Variants in KCNMB3 observed in about 807,000 individuals in gnomAD.
KCNMB3 encodes the protein potassium calcium-activated channel subfamily M regulatory beta subunit 3.
Under a neutral mutation model 11.9 loss-of-function variants are expected in KCNMB3, and 18 were observed. The ratio of observed to expected loss-of-function variants is 1.51; its 90% CI spans 1.04 to 2.23. KCNMB3 has a LOEUF of 2.23. KCNMB3 is among the 30% of genes most tolerant of loss of function. The probability of loss-of-function intolerance (pLI) is 0.00; values close to 1 mark genes in which losing one functional copy is unlikely to be tolerated. For missense variants in KCNMB3, 247 were observed against 329.4 expected, an observed-to-expected ratio of 0.75 and a Z score of 1.94; for synonymous variants, 78 against 119.2, an observed-to-expected ratio of 0.65 and a Z score of 2.25.
In KCNMB3 at chr3:179,258,826, T is replaced by TC; in HGVS notation, c.62+7822dup. On this transcript the variant is annotated intron_variant, in intron 1 of 3. Coordinates refer to the KCNMB3 transcript ENST00000349697. The stretch of plus-strand genomic sequence containing the variant: ...ACTGATAACAAATATGTCTTTCTAA[T>TC]CTGGGTGATAACCTCAATGATTACA... 2.8e-6 allele frequency: 4 copies of TC among 1,432,960 alleles called. No individual in the cohort carries two copies. The East Asian group carries it at 9.2e-5, about 33-fold the overall frequency. The allele number at this position is 1,432,960 out of a possible 1,614,324, so 88.8% of individuals were successfully genotyped here.
chr3:179,267,018 A>C, upstream of KCNMB3: 1 of 870,862 alleles, frequency 1.1e-6, no homozygotes, highest in Non-Finnish European at 1.5e-6. Flanking sequence ...CCGCCACCTC[A>C]TCACCTGTGT....
chr3:179,250,495 G>A (rs1725797983), intron 1 of KCNMB3, among the ~76,000 whole-genome samples: 1 of 152,170 alleles, frequency 6.6e-6, no homozygotes, highest in South Asian at 2.1e-4. Flanking sequence ...TTACGTGTTT[G>A]GAGGTATATA....
In KCNMB3 at chr3:179,250,960, C is replaced by A; in HGVS notation, c.31G>T (p.Val11Leu). 1 of 1,614,152 alleles carries A rather than the reference C, an allele frequency of 6.2e-7. No homozygotes were observed. The highest frequency in any genetic ancestry group is 1.1e-5 in the South Asian group (1 of 91,076). Residue 11 changes from valine to leucine, a missense_variant, in exon 1 of 3, where the codon GTA becomes TTA. Val to Leu is a conservative substitution (Grantham distance 32, BLOSUM62 1). This residue lies in a region of KCNMB3 where 160 missense variants were observed against 157.5 expected (regional missense o/e 1.02). Transcript: ENST00000392685. ...CTTTGGGGAAAGGGAGAAGGAGATA[C>A]TGCAGTGAGCTCATAAAGAAGGGGG... MFPLLYELTA[V>L]SPSPFPQRTA...
intron 1 of KCNMB3, among the ~76,000 whole-genome samples, chr3:179,247,709 A>T (rs1417555871): frequency 1.3e-5 from 2 of 152,186 alleles, no homozygotes; most frequent in African/African-American, 4.8e-5. Context: ...CCTGGTGCTA[A>T]TACCAGAGAG....
At chr3:179,247,488 C>T (rs1375211194) in intron 1 of KCNMB3, among the ~76,000 whole-genome samples, 1 of 151,720 alleles carries the variant, frequency 6.6e-6, no homozygotes, top group African/African-American at 2.4e-5. Flanking sequence ...TAGTGAGATC[C>T]CACTTCTTAA....
upstream of KCNMB3, among the ~76,000 whole-genome samples, chr3:179,255,807 C>A (rs772843359): frequency 6.6e-6 from 1 of 152,112 alleles, no homozygotes; most frequent in African/African-American, 2.4e-5. Context: ...TCTTAACAGT[C>A]GCCAAAGAAA....
chr3:179,251,737 G>T (rs1421614788), upstream of KCNMB3: 10 of 964,694 alleles, frequency 1.0e-5, no homozygotes, highest in Non-Finnish European at 1.2e-5. Context: ...GTGTTTTTTG[G>T]TTTTTTTTGA....
At chr3:179,260,955 A>T in intron 1 of KCNMB3, 2 of 1,079,012 alleles carry the variant, frequency 1.9e-6, no homozygotes, top group Non-Finnish European at 2.8e-6. Context: ...TCTGCTAGAG[A>T]GTCCTTGATT....
intron 1 of KCNMB3, among the ~76,000 whole-genome samples, chr3:179,263,470 G>C (rs1047937905): frequency 6.6e-6 from 1 of 152,274 alleles, no homozygotes; most frequent in African/African-American, 2.4e-5. Context: ...CGCGGCCAGA[G>C]TGGGCGCCAA....
At chr3:179,248,351 G>T (rs1259124167) in intron 1 of KCNMB3, among the ~76,000 whole-genome samples, 1 of 152,162 alleles carries the variant, frequency 6.6e-6, no homozygotes, top group Non-Finnish European at 1.5e-5. Context: ...GTTGACCCTT[G>T]AACAATTCAG....
At chr3:179,248,727 CAAA>C (rs543706677) in intron 1 of KCNMB3, among the ~76,000 whole-genome samples, 4 of 80,268 alleles carry the variant, frequency 5.0e-5, no homozygotes, top group Admixed American at 1.4e-4. Context: ...CACCCTGCTT[CAAA>C]AAAAAAAAAA....
At chr3:179,261,512 C>A (rs764877161) in intron 1 of KCNMB3, among the ~76,000 whole-genome samples, 1 of 151,952 alleles carries the variant, frequency 6.6e-6, no homozygotes, top group Non-Finnish European at 1.5e-5. Context: ...TGAGCCTGGC[C>A]GGGGGTGGAA....
upstream of KCNMB3, among the ~76,000 whole-genome samples, chr3:179,252,731 CTTT>C (rs386398672): frequency 1.0e-4 from 13 of 128,536 alleles, 1 homozygote; most frequent in South Asian, 1.3e-3. Flanking sequence ...TGAACCTGTA[CTTT>C]TTTTTTTTTT....
chr3:179,244,189 A>G (rs1725556603), intron 2 of KCNMB3, among the ~76,000 whole-genome samples: 1 of 152,214 alleles, frequency 6.6e-6, no homozygotes, highest in African/African-American at 2.4e-5. Context: ...ACACTGTAGC[A>G]TATGTCATAT....
Position 179,243,013 on chromosome 3 carries a change from T to C in KCNMB3, c.719A>G (p.Tyr240Cys), listed in dbSNP as rs1725507852. 4 of 1,598,614 alleles carry C rather than the reference T, an allele frequency of 2.5e-6. No individual in the cohort carries two copies. The highest frequency in any genetic ancestry group is 3.4e-6 in the Non-Finnish European group (4 of 1,173,758). Residue 240 changes from tyrosine (Y) to cysteine (C), a missense_variant, in exon 3 of 3, where the codon TAT (tyrosine) becomes TGT (cysteine). By Grantham distance (194) the Tyr-to-Cys change is radical. Transcript: ENST00000392685. ...TQHLSLLCEK[Y>C]STVVRDEVGG... ...TACCTCATCTCTGACTACAGTGCTA[T>C]ATTTTTCACACAGTAAGGACAGGTG...
At chr3:179,245,278 T>C (rs1030556416) in intron 1 of KCNMB3, among the ~76,000 whole-genome samples, 5 of 152,122 alleles carry the variant, frequency 3.3e-5, no homozygotes, top group Non-Finnish European at 7.3e-5. Flanking sequence ...TTGGTCAACA[T>C]AGCCTACACA....
chr3:179,259,523 A>G, intron 1 of KCNMB3: 3 of 1,611,182 alleles, frequency 1.9e-6, no homozygotes, highest in Non-Finnish European at 2.5e-6. Context: ...GACAATCAAC[A>G]TTTTCACTGC....
intron 1 of KCNMB3, among the ~76,000 whole-genome samples, chr3:179,261,579 CCA>C (rs1359202473): frequency 1.3e-5 from 2 of 152,076 alleles, no homozygotes; most frequent in African/African-American, 4.8e-5. Flanking sequence ...CCGCCCCGCC[CCA>C]CACTTGCAAT....
chr3:179,244,754 G>A, intron 1 of KCNMB3, 61 bp from the exon 2 acceptor site: 1 of 1,462,418 alleles, frequency 6.8e-7, no homozygotes, highest in Non-Finnish European at 9.5e-7. Context: ...CTACATTTTG[G>A]TGTGGTTATG....
Sources: allele counts gnomAD v4.1 joint callset (sites outside exome capture counted in the v4.1 genomes callset), GRCh38; gene constraint gnomAD v4.1.1; regional missense constraint gnomAD v4.1.1; transcripts MANE v1.5; gene names NCBI Gene and HGNC (gene_info 2026-07-23, HGNC 2026-07-21).